EPHA6: variants seen among roughly 807,000 people sequenced by gnomAD.
The protein encoded by EPHA6 is EPH receptor A6.
In EPHA6, 50 loss-of-function variants were observed where a neutral mutation model predicts 112.0. That is an observed-to-expected ratio of 0.45 (90% CI 0.36 to 0.56). The LOEUF is 0.56. Among genes scored for constraint, EPHA6 ranks in the 20% least tolerant of loss-of-function variants. EPHA6 has a pLI of 0.00. For missense variants in EPHA6, 1,280 were observed against 1,417.4 expected, an observed-to-expected ratio of 0.90 and a Z score of 1.56; for synonymous variants, 529 against 490.7, an observed-to-expected ratio of 1.08 and a Z score of -1.03.
intron 2 of EPHA6, among the ~76,000 whole-genome samples, chr3:96,972,417 A>T (rs1282119206): frequency 8.0e-5 from 6 of 75,346 alleles, no homozygotes; most frequent in African/African-American, 3.4e-4. Flanking sequence ...TCAGAAACAC[A>T]CACACAAACA....
chr3:97,327,180 G>T (rs1463041378), intron 5 of EPHA6, among the ~76,000 whole-genome samples: 1 of 151,942 alleles, frequency 6.6e-6, no homozygotes, highest in Non-Finnish European at 1.5e-5. Flanking sequence ...ATTACATTAT[G>T]AAATATAAAA....
intron 1 of EPHA6, among the ~76,000 whole-genome samples, chr3:96,817,626 A>G (rs6766506): frequency 0.27 from 40,550 of 151,650 alleles, 9,427 homozygotes; most frequent in African/African-American, 0.61. Context: ...AGAGGGTAAA[A>G]TTACATTTAT....
At chr3:97,744,938 C>T (rs1036090028) in intron 16 of EPHA6, among the ~76,000 whole-genome samples, 3 of 151,808 alleles carry the variant, frequency 2.0e-5, no homozygotes, top group Admixed American at 1.3e-4. Context: ...AGGAGAGTCA[C>T]GTTTTGAAAT....
intron 3 of EPHA6, among the ~76,000 whole-genome samples, chr3:97,215,198 G>C (rs1019537899): frequency 6.6e-6 from 1 of 152,152 alleles, no homozygotes; most frequent in Non-Finnish European, 1.5e-5. Flanking sequence ...TTGTCTTCCA[G>C]TTCTCTGATA....
intron 5 of EPHA6, among the ~76,000 whole-genome samples, chr3:97,306,210 A>T (rs1317255892): frequency 2.0e-5 from 3 of 151,846 alleles, no homozygotes; most frequent in Non-Finnish European, 4.4e-5. Context: ...ATACATACAG[A>T]AAGACAGTCA....
chr3:97,091,992 G>T (rs2047081046), intron 3 of EPHA6, among the ~76,000 whole-genome samples: 1 of 150,874 alleles, frequency 6.6e-6, no homozygotes, highest in South Asian at 2.1e-4. Flanking sequence ...GCTTTCTGAT[G>T]GGTTGAGAAC....
intron 5 of EPHA6, among the ~76,000 whole-genome samples, chr3:97,322,746 C>T (rs568181606): frequency 6.6e-6 from 1 of 152,048 alleles, no homozygotes; most frequent in African/African-American, 2.4e-5. Context: ...AATGCAATTA[C>T]ATTTTTAGTG....
At chr3:97,475,550 A>T (rs535994611) in intron 8 of EPHA6, 90 bp downstream of exon 8, 1 of 879,794 alleles carries the variant, frequency 1.1e-6, no homozygotes, top group African/African-American at 1.7e-5. Context: ...GATATAACAA[A>T]GCACACCTGA....
At chr3:96,924,135 A>T (rs2039915856) in intron 2 of EPHA6, among the ~76,000 whole-genome samples, 1 of 151,926 alleles carries the variant, frequency 6.6e-6, no homozygotes, top group Admixed American at 6.6e-5. Context: ...GGCTCTTTTT[A>T]AAGTAGTTTT....
intron 3 of EPHA6, among the ~76,000 whole-genome samples, chr3:97,045,734 T>C (rs1559691848): frequency 6.6e-6 from 1 of 152,114 alleles, no homozygotes; most frequent in Non-Finnish European, 1.5e-5. Flanking sequence ...TTTGTACGTT[T>C]TTTGAAAAGT....
At chr3:97,545,674 C>T (rs1170880514) in intron 11 of EPHA6, among the ~76,000 whole-genome samples, 1 of 152,038 alleles carries the variant, frequency 6.6e-6, no homozygotes, top group African/African-American at 2.4e-5. Flanking sequence ...GTGTTAAAGT[C>T]TCTCATTATT....
intron 3 of EPHA6, among the ~76,000 whole-genome samples, chr3:97,187,746 AGG>A (rs997806904): frequency 7.0e-6 from 1 of 142,568 alleles, no homozygotes; most frequent in African/African-American, 2.6e-5. Context: ...AGAAAGAAAG[AGG>A]AAAGAAAGAA....
chr3:97,746,499 TGA>T (rs1354569399), intron 16 of EPHA6, among the ~76,000 whole-genome samples: 1 of 151,848 alleles, frequency 6.6e-6, no homozygotes, highest in Non-Finnish European at 1.5e-5. Context: ...TACACAATTC[TGA>T]GTTACTTTTA....
intron 5 of EPHA6, among the ~76,000 whole-genome samples, chr3:97,256,916 A>G (rs1476347824): frequency 6.6e-6 from 1 of 152,050 alleles, no homozygotes; most frequent in Non-Finnish European, 1.5e-5. Context: ...AAAATCAACT[A>G]GTGAATAATT....
intron 7 of EPHA6, among the ~76,000 whole-genome samples, chr3:97,460,489 A>T (rs2090850699): frequency 1.3e-5 from 2 of 152,204 alleles, no homozygotes; most frequent in African/African-American, 4.8e-5. Flanking sequence ...TTCTAGAGAG[A>T]TGAGAAAGAC....
At chr3:97,279,786 AAC>A (rs1363089656) in intron 5 of EPHA6, among the ~76,000 whole-genome samples, 8 of 152,242 alleles carry the variant, frequency 5.3e-5, no homozygotes, top group African/African-American at 1.7e-4. Flanking sequence ...TATTAGATCA[AAC>A]ACTGTCCAAT....
At chr3:97,094,529 A>C (rs1276335252) in intron 3 of EPHA6, among the ~76,000 whole-genome samples, 1 of 152,180 alleles carries the variant, frequency 6.6e-6, no homozygotes, top group Non-Finnish European at 1.5e-5. Context: ...TTTAACTTCA[A>C]ATCAAAGTTT....
At chr3:97,724,428 T>A (rs969589083) in intron 15 of EPHA6, among the ~76,000 whole-genome samples, 7 of 152,070 alleles carry the variant, frequency 4.6e-5, no homozygotes, top group African/African-American at 1.7e-4. Flanking sequence ...CATGCGCCAG[T>A]CATTAGACCA....
intron 3 of EPHA6, among the ~76,000 whole-genome samples, chr3:97,177,812 A>G (rs2076879083): frequency 6.6e-6 from 1 of 152,010 alleles, no homozygotes; most frequent in Middle Eastern, 3.4e-3. Flanking sequence ...ATCTCTTACC[A>G]TCTCTTTATT....
Sources: allele counts gnomAD v4.1 joint callset (sites outside exome capture counted in the v4.1 genomes callset), GRCh38; gene constraint gnomAD v4.1.1; transcripts MANE v1.5; gene names NCBI Gene and HGNC (gene_info 2026-07-23, HGNC 2026-07-21).